Variants in PTPRN2 observed in about 807,000 individuals in gnomAD.
PTPRN2 encodes protein tyrosine phosphatase receptor type N2, also known as receptor-type tyrosine-protein phosphatase N2.
Under a neutral mutation model 118.8 loss-of-function variants are expected in PTPRN2, and 74 were observed. That is an observed-to-expected ratio of 0.62 (90% CI 0.52 to 0.76). The LOEUF is 0.76. PTPRN2 is among the 30% of genes least tolerant of loss of function. The pLI, the probability that PTPRN2 is intolerant of heterozygous loss-of-function variation, is 0.00. For synonymous variants in PTPRN2, 641 were observed against 608.0 expected, an observed-to-expected ratio of 1.05 and a Z score of -0.80; for missense variants, 1,481 against 1,394.4, an observed-to-expected ratio of 1.06 and a Z score of -0.99.
At chr7:158,311,379 G>A (rs966948408) in intron 3 of PTPRN2, among the ~76,000 whole-genome samples, 3 of 152,100 alleles carry the variant, frequency 2.0e-5, no homozygotes, top group African/African-American at 4.8e-5. Context: ...ATCCACAGTC[G>A]TTTTCATGAC....
chr7:157,856,777 G>T (rs966680569), intron 12 of PTPRN2, among the ~76,000 whole-genome samples: 2 of 152,082 alleles, frequency 1.3e-5, no homozygotes, highest in Non-Finnish European at 2.9e-5. Flanking sequence ...AATCTTTTTC[G>T]TATGTCTGTC....
At chr7:157,951,513 C>T (rs1350783816) in intron 11 of PTPRN2, among the ~76,000 whole-genome samples, 1 of 152,162 alleles carries the variant, frequency 6.6e-6, no homozygotes, top group South Asian at 2.1e-4. Flanking sequence ...ACAGGAGGGT[C>T]CCATGGGGCT....
chr7:158,057,713 C>T (rs1307560128), intron 11 of PTPRN2, among the ~76,000 whole-genome samples: 1 of 152,070 alleles, frequency 6.6e-6, no homozygotes, highest in Non-Finnish European at 1.5e-5. Flanking sequence ...TCCAAGAACC[C>T]AGCCTCAGCA....
chr7:157,754,764 C>G (rs1473510511), intron 12 of PTPRN2, among the ~76,000 whole-genome samples: 3 of 152,222 alleles, frequency 2.0e-5, no homozygotes, highest in Non-Finnish European at 4.4e-5. Flanking sequence ...GATGCCACGT[C>G]AAGTTGGTCA....
intron 2 of PTPRN2, among the ~76,000 whole-genome samples, chr7:158,366,490 CAT>C (rs1238544156): frequency 1.3e-5 from 2 of 152,264 alleles, no homozygotes; most frequent in Admixed American, 6.5e-5. Context: ...AGCTGCAGCA[CAT>C]GTGTAAGCTG....
At chr7:158,235,637 C>T (rs775845381) in intron 3 of PTPRN2, among the ~76,000 whole-genome samples, 2 of 151,958 alleles carry the variant, frequency 1.3e-5, no homozygotes, top group African/African-American at 2.4e-5. Context: ...CTAATGGCTA[C>T]AAATAGACAG....
chr7:158,538,926 C>A (rs1465520446), intron 1 of PTPRN2, among the ~76,000 whole-genome samples: 1 of 152,178 alleles, frequency 6.6e-6, no homozygotes, highest in Non-Finnish European at 1.5e-5. Flanking sequence ...TGGTCTGACT[C>A]CCAGCCCAGT....
At chr7:158,507,626 C>T (rs1232998702) in intron 1 of PTPRN2, among the ~76,000 whole-genome samples, 1 of 142,900 alleles carries the variant, frequency 7.0e-6, no homozygotes, top group Non-Finnish European at 1.5e-5. Context: ...GACAGCCCTG[C>T]TCTGGGCAGG....
At position 158,555,192 on chromosome 7, in the gene PTPRN2, A is replaced by G. The variant is rs1246762947; in HGVS notation, c.112+32366T>C. The stretch of plus-strand genomic sequence containing the variant: ...TCTACTGCAAATCACCCCCGACGCA[A>G]CCACCAACTCCGCCAGAGGAAATCA... On this transcript the variant is annotated intron_variant, in intron 1 of 22. Transcript: ENST00000389418. This position sits in a 1 kb window ranked among gnomAD's most constrained non-coding sequence, Gnocchi z 4.7. Among the ~76,000 whole-genome samples the G allele has an allele frequency of 6.6e-6, 1 of 152,180 alleles. No individual in the cohort carries two copies. The highest frequency in any genetic ancestry group is 1.5e-5 in the Non-Finnish European group (1 of 68,034).
chr7:158,273,453 C>T (rs1216866612), intron 3 of PTPRN2, among the ~76,000 whole-genome samples: 1 of 147,444 alleles, frequency 6.8e-6, no homozygotes, highest in Non-Finnish European at 1.5e-5. Flanking sequence ...CGGGAGGAGC[C>T]GCAGACGCAG....
At chr7:157,844,176 G>A (rs1454583121) in intron 12 of PTPRN2, among the ~76,000 whole-genome samples, 1 of 152,224 alleles carries the variant, frequency 6.6e-6, no homozygotes, top group Admixed American at 6.5e-5. Flanking sequence ...ACATAGGAGT[G>A]TGCAAGCCCC....
chr7:158,072,062 G>GTGGTGGAGGTGCTCA (rs1465096258), intron 11 of PTPRN2, among the ~76,000 whole-genome samples: 2 of 142,138 alleles, frequency 1.4e-5, no homozygotes, highest in Admixed American at 7.0e-5. Context: ...GGTTCCCGTG[G>GTGGTGGAGGTGCTCA]TGGTGGAGGT....
chr7:157,787,803 G>A lies in PTPRN2; in HGVS notation c.1789-104866C>T, dbSNP rs1040905605. 3.9e-5 allele frequency among the ~76,000 whole-genome samples: 6 copies of A among 152,118 alleles called. No individual in the cohort carries two copies. Among genetic ancestry groups the A allele is most frequent in the African/African-American group, 1.2e-4 (5 of 41,408 alleles). ...GCTCATGGCTGGGGGAGGCACCTGG[G>A]GGCCCCGTCCAAGCTGCCAAGGGCT... On this transcript the variant is annotated intron_variant, in intron 12 of 22. Transcript: ENST00000389418. This position sits in a 1 kb window ranked among gnomAD's most constrained non-coding sequence, Gnocchi z 5.3.
At chr7:158,150,946 A>G (rs533306085) in intron 6 of PTPRN2, among the ~76,000 whole-genome samples, 7 of 151,840 alleles carry the variant, frequency 4.6e-5, no homozygotes, top group Non-Finnish European at 8.8e-5. Context: ...GGGAAATATT[A>G]TTCTGTGCAT....
intron 11 of PTPRN2, among the ~76,000 whole-genome samples, chr7:157,966,402 CCAT>C (rs1801933015): frequency 6.6e-6 from 1 of 151,672 alleles, no homozygotes; most frequent in African/African-American, 2.4e-5. Context: ...ATCACTATCA[CCAT>C]CATCGCCATC....
chr7:157,619,375 C>T lies in PTPRN2; in HGVS notation c.2344+1987G>A, dbSNP rs1803013123. Among the ~76,000 whole-genome samples, 2 of 152,222 alleles carry T rather than the reference C, an allele frequency of 1.3e-5. No individual in the cohort carries two copies. Among genetic ancestry groups the T allele is most frequent in the East Asian group, 1.9e-4 (1 of 5,172 alleles). On this transcript the variant is annotated intron_variant, in intron 15 of 22. Transcript: ENST00000389418. The surrounding 1 kb of genome is among the most constrained non-coding windows in gnomAD (Gnocchi z 5.3). ...TCCACTCAGGACTCAGCAGGATACC[C>T]GCTCACCACCACCCTCACTTGTCCT... is the stretch of plus-strand genomic sequence containing the variant.
chr7:158,331,933 ACT>A (rs1804544371), intron 2 of PTPRN2, among the ~76,000 whole-genome samples: 1 of 150,878 alleles, frequency 6.6e-6, no homozygotes, highest in Non-Finnish European at 1.5e-5. Context: ...CGCAGATGTC[ACT>A]CACACTCACA....
At chr7:157,721,923 G>C (rs1006916984) in intron 12 of PTPRN2, among the ~76,000 whole-genome samples, 1 of 152,218 alleles carries the variant, frequency 6.6e-6, no homozygotes, top group Admixed American at 6.5e-5. Flanking sequence ...TAAGGGATAT[G>C]TGTCTTCAAA....
chr7:157,637,509 G>A (rs1046136309), intron 14 of PTPRN2, among the ~76,000 whole-genome samples: 4 of 152,120 alleles, frequency 2.6e-5, no homozygotes, highest in South Asian at 2.1e-4. Flanking sequence ...AAGCCGTTTC[G>A]TATCACGATT....
Sources: gnomAD v4.1 joint callset for allele counts (sites outside exome capture counted in the v4.1 genomes callset) on GRCh38, gnomAD v4.1.1 for gene constraint, Gnocchi (gnomAD v3.1) non-coding constraint, MANE v1.5 for transcripts, NCBI Gene and HGNC (gene_info 2026-07-23, HGNC 2026-07-21) for gene names.